Variants in PGAP4 observed in about 807,000 individuals in gnomAD.
PGAP4 encodes the protein post-GPI attachment to proteins GalNAc transferase 4, also known as GPI-N-acetylgalactosamine transferase PGAP4.
Under a neutral mutation model 28.2 loss-of-function variants are expected in PGAP4, and 12 were observed. The observed-to-expected ratio is 0.42, with a 90% CI of 0.27 to 0.69. The LOEUF (loss-of-function observed/expected upper bound fraction) is 0.69. Among genes scored for constraint, PGAP4 ranks in the 30% least tolerant of loss-of-function variants. The pLI is 0.22. For synonymous variants in PGAP4, 205 were observed against 211.8 expected (o/e 0.97, Z 0.28); for missense variants, 425 against 513.5 (o/e 0.83, Z 1.67).
At position 101,505,470 on chromosome 9, in the gene PGAP4, T is replaced by C. The variant is rs1588207135; in HGVS notation, c.-164-16270A>G. The stretch of plus-strand genomic sequence containing the variant: ...AAGCTATATCCCACACCAAGGACGG[T>C]ATGATTGATAGGAGTCCTACTGCCC... On this transcript the variant is annotated intron_variant, in intron 2 of 3. Coordinates refer to the PGAP4 transcript ENST00000374851. Among the ~76,000 whole-genome samples the C allele has an allele frequency of 2.0e-5, 3 of 152,204 alleles. No individual in the cohort carries two copies. In the East Asian group the frequency reaches 5.8e-4, roughly 29 times the overall value.
At chr9:101,519,200 CAG>C (rs1826964942) in intron 2 of PGAP4, among the ~76,000 whole-genome samples, 1 of 152,122 alleles carries the variant, frequency 6.6e-6, no homozygotes. Flanking sequence ...CTCTGTCACC[CAG>C]GCTGGAGTGC....
chr9:101,518,385 C>A (rs1474076109), intron 2 of PGAP4, among the ~76,000 whole-genome samples: 1 of 152,034 alleles, frequency 6.6e-6, no homozygotes, highest in African/African-American at 2.4e-5. Flanking sequence ...ATCACCCGAG[C>A]AGTATACACT....
At chr9:101,492,318 T>C (rs1439054309) in intron 2 of PGAP4, among the ~76,000 whole-genome samples, 1 of 151,948 alleles carries the variant, frequency 6.6e-6, no homozygotes, top group Non-Finnish European at 1.5e-5. Context: ...CTCAGCCTCC[T>C]GAGTAGCTGG....
At chr9:101,523,639 T>A (rs1476238683) in intron 2 of PGAP4, among the ~76,000 whole-genome samples, 1 of 102,888 alleles carries the variant, frequency 9.7e-6, no homozygotes, top group Non-Finnish European at 2.0e-5. Flanking sequence ...TTTTTTTTTT[T>A]TTTTTTTTTT....
In PGAP4 at chr9:101,476,774, T is replaced by C. The variant is rs139396550; in HGVS notation, c.319A>G (p.Ile107Val). Residue 107 changes from isoleucine (I) to valine (V), a missense_variant, in exon 2 of 2, where the codon ATC becomes GTC. Physicochemically the swap from Ile to Val is conservative, Grantham distance 29. Transcript: ENST00000374848. The surrounding 1 kb of genome is among the most constrained non-coding windows in gnomAD (Gnocchi z 7.0). ...TPRPWLVITI[I>V]TVDRQPGFHY... ...AAGCCAGGCTGCCTGTCCACAGTGA[T>C]GATGGTGATCACCAGCCAGGGCCGG... 6.3e-4 allele frequency: 1,009 copies of C among 1,613,134 alleles called. 1 individual carries two copies. Among genetic ancestry groups the C allele is most frequent in the Non-Finnish European group, 8.2e-4 (971 of 1,179,412 alleles).
chr9:101,533,436 T>C (rs1827129446), exon 1 of PGAP4: 1 of 152,256 alleles, frequency 6.6e-6, no homozygotes, highest in African/African-American at 2.4e-5. Flanking sequence ...TTTCAGCACG[T>C]AGGGGTACCA....
At chr9:101,509,288 C>T (rs188672947) in intron 2 of PGAP4, among the ~76,000 whole-genome samples, 31 of 152,278 alleles carry the variant, frequency 2.0e-4, no homozygotes, top group Non-Finnish European at 2.4e-4. Context: ...GAAATCCCCA[C>T]GTTCACTAGT....
intron 2 of PGAP4, among the ~76,000 whole-genome samples, chr9:101,505,917 T>G (rs898129896): frequency 6.6e-6 from 1 of 152,114 alleles, no homozygotes; most frequent in Non-Finnish European, 1.5e-5. Context: ...GACCTTAGAA[T>G]AAGATAAAAA....
At chr9:101,528,942 C>A (rs886618480) in intron 2 of PGAP4, among the ~76,000 whole-genome samples, 1 of 151,934 alleles carries the variant, frequency 6.6e-6, no homozygotes, top group African/African-American at 2.4e-5. Context: ...TCTCCCTCCT[C>A]CCACCCTTCA....
chr9:101,507,810 T>C (rs923908367), intron 2 of PGAP4, among the ~76,000 whole-genome samples: 7 of 152,112 alleles, frequency 4.6e-5, no homozygotes, highest in Non-Finnish European at 7.4e-5. Flanking sequence ...TAAAGCTAGA[T>C]GTGTTGGAAA....
chr9:101,516,060 G>A (rs910995643), intron 2 of PGAP4, among the ~76,000 whole-genome samples: 1 of 152,000 alleles, frequency 6.6e-6, no homozygotes, highest in African/African-American at 2.4e-5. Context: ...ATTATGATTT[G>A]TCAATTAAAA....
Position 101,515,886 on chromosome 9 carries a change from A to G in PGAP4, c.-165+15462T>C, listed in dbSNP as rs74967242. Among the ~76,000 whole-genome samples the G allele has an allele frequency of 3.5e-3, 540 of 152,234 alleles. 10 individuals carry two copies. Among genetic ancestry groups the G allele is most frequent in the East Asian group, 0.029 (151 of 5,182 alleles). On this transcript the variant is annotated intron_variant, in intron 2 of 3. Coordinates refer to the PGAP4 transcript ENST00000374851. ...AGTTCTATTGCATAGTAGGGTGACTAGTTAATGATAGTGTATAACATATTT... is the reference window on the plus strand; with the variant it reads ...AGTTCTATTGCATAGTAGGGTGACTGGTTAATGATAGTGTATAACATATTT...
chr9:101,527,839 C>G (rs1167739492), intron 2 of PGAP4, among the ~76,000 whole-genome samples: 1 of 152,092 alleles, frequency 6.6e-6, no homozygotes, highest in Non-Finnish European at 1.5e-5. Context: ...AATATTAAGG[C>G]CCTCCTTGCT....
At chr9:101,495,691 G>T (rs903365619) in intron 2 of PGAP4, among the ~76,000 whole-genome samples, 1 of 150,058 alleles carries the variant, frequency 6.7e-6, no homozygotes, top group Admixed American at 6.7e-5. Flanking sequence ...TTTTAAAGGG[G>T]TTAAAAGGGT....
chr9:101,500,469 C>T (rs551681803), intron 2 of PGAP4, among the ~76,000 whole-genome samples: 15 of 152,042 alleles, frequency 9.9e-5, no homozygotes, highest in African/African-American at 2.7e-4. Context: ...TGGGCCTAGC[C>T]GGATAATCCA....
intron 2 of PGAP4, among the ~76,000 whole-genome samples, chr9:101,524,042 C>T (rs184996409): frequency 5.9e-5 from 9 of 151,954 alleles, no homozygotes; most frequent in African/African-American, 1.7e-4. Context: ...TACCCAGCTC[C>T]GGGCTGGTAC....
intron 1 of PGAP4, among the ~76,000 whole-genome samples, chr9:101,484,203 A>C (rs1826557638): frequency 6.6e-6 from 1 of 152,014 alleles, no homozygotes; most frequent in Admixed American, 6.5e-5. Flanking sequence ...AAAGAGGGGC[A>C]GAGGAACAAA....
At chr9:101,525,397 GT>G (rs1011445872) in intron 2 of PGAP4, among the ~76,000 whole-genome samples, 40 of 149,492 alleles carry the variant, frequency 2.7e-4, no homozygotes, top group East Asian at 5.9e-4. Flanking sequence ...GGTTTTAAAT[GT>G]TTTTTTTTTC....
At chr9:101,506,448 T>C (rs542522708) in intron 2 of PGAP4, among the ~76,000 whole-genome samples, 2 of 152,132 alleles carry the variant, frequency 1.3e-5, no homozygotes, top group African/African-American at 4.8e-5. Context: ...AAACATTGTA[T>C]TTTGCTGTGT....
Sources: gnomAD v4.1 joint callset for allele counts (sites outside exome capture counted in the v4.1 genomes callset) on GRCh38, gnomAD v4.1.1 for gene constraint, Gnocchi (gnomAD v3.1) non-coding constraint, MANE v1.5 for transcripts, NCBI Gene and HGNC (gene_info 2026-07-23, HGNC 2026-07-21) for gene names.